MSI2: variants seen among roughly 807,000 people sequenced by gnomAD.
The protein encoded by MSI2 is musashi RNA binding protein 2.
MSI2 carries 17 observed loss-of-function variants against 45.6 expected under a neutral mutation model. The observed-to-expected ratio is 0.37, with a 90% CI of 0.26 to 0.56. The LOEUF is 0.56. MSI2 is among the 20% of genes least tolerant of loss of function. MSI2 has a pLI of 0.77. For synonymous variants in MSI2, 156 were observed against 158.2 expected, an observed-to-expected ratio of 0.99 and a Z score of 0.11; for missense variants, 293 against 444.2, an observed-to-expected ratio of 0.66 and a Z score of 3.06.
chr17:57,491,278 T>A (rs1598328361), intron 6 of MSI2, among the ~76,000 whole-genome samples: 2 of 152,300 alleles, frequency 1.3e-5, no homozygotes, highest in East Asian at 3.9e-4. Context: ...GGCAGAGGCA[T>A]TGGAGAAGAC....
chr17:57,521,130 C>T (rs575277726), intron 6 of MSI2, among the ~76,000 whole-genome samples: 7 of 152,274 alleles, frequency 4.6e-5, no homozygotes, highest in African/African-American at 1.4e-4. Context: ...AAACTCCAAG[C>T]GCACCTTCAT....
At chr17:57,431,399 A>G (rs1460099974) in intron 6 of MSI2, among the ~76,000 whole-genome samples, 1 of 152,208 alleles carries the variant, frequency 6.6e-6, no homozygotes, top group Non-Finnish European at 1.5e-5. Context: ...CGCAGGTGAA[A>G]TGAGCTGTTT....
intron 5 of MSI2, among the ~76,000 whole-genome samples, chr17:57,287,009 G>A (rs118123430): frequency 0.042 from 6,348 of 152,066 alleles, 180 homozygotes; most frequent in Non-Finnish European, 0.061. Flanking sequence ...GGCTCGCGCC[G>A]CAGAGAGTTT....
chr17:57,448,563 T>G (rs1196109135), intron 6 of MSI2: 6 of 152,196 alleles, frequency 3.9e-5, no homozygotes, highest in Non-Finnish European at 8.8e-5. Context: ...TAACAAACAT[T>G]CTATGCTGGT....
At position 57,502,691 on chromosome 17, in the gene MSI2, A is replaced by T. The variant is rs925755855; in HGVS notation, c.406-26985A>T. On this transcript the variant is annotated intron_variant, in intron 6 of 13. Transcript: ENST00000284073. ...GGGCTCTAGATTTAAGCCTTCTAGC[A>T]TCTAATGCTGGGTCACTACTGTGAT... 9.8e-5 allele frequency among the ~76,000 whole-genome samples: 14 copies of T among 143,452 alleles called. 1 individual carries two copies. Among genetic ancestry groups the T allele is most frequent in the Non-Finnish European group, 1.5e-4 (10 of 66,386 alleles). 94.1% of individuals were successfully genotyped at this position (143,452 alleles called of 152,430 possible).
At chr17:57,435,726 G>A (rs749100011) in intron 6 of MSI2, among the ~76,000 whole-genome samples, 18 of 152,212 alleles carry the variant, frequency 1.2e-4, no homozygotes, top group South Asian at 4.1e-4. Context: ...GCTGTCTCAC[G>A]TAAGTCTCCT....
chr17:57,383,038 G>A (rs1418995621), intron 5 of MSI2, among the ~76,000 whole-genome samples: 1 of 152,206 alleles, frequency 6.6e-6, no homozygotes, highest in East Asian at 1.9e-4. Flanking sequence ...GCAGGAACAG[G>A]GTGGAGGACC....
At position 57,450,258 on chromosome 17, in the gene MSI2, A is replaced by AGAAAGAAAGAAAGAAAGAAAGAAG. The variant is rs1567830553; in HGVS notation, c.405+48810_405+48811insGGAAAGAAAGAAAGAAAGAAAGAA. 56 of 2,640 alleles carry AGAAAGAAAGAAAGAAAGAAAGAAG rather than the reference A, an allele frequency of 0.021. No individual in the cohort carries two copies. The Middle Eastern group carries it at 0.25, about 12-fold the overall frequency. The allele number at this position is 2,640 out of a possible 1,614,324, so 0.2% of individuals were successfully genotyped here. On this transcript the variant is annotated intron_variant, in intron 6 of 13. Coordinates refer to ENST00000284073, the MANE Select transcript of MSI2 (RefSeq NM_138962.4). ...CTGGAAATGGTATTCCCCAGCTTAA[A>AGAAAGAAAGAAAGAAAGAAAGAAG]GAAAGAAAGAAAGAAAGAAAGAAAG...
chr17:57,621,441 A>T (rs1908282570), intron 9 of MSI2, among the ~76,000 whole-genome samples: 1 of 152,216 alleles, frequency 6.6e-6, no homozygotes, highest in African/African-American at 2.4e-5. Flanking sequence ...AAATTCATTC[A>T]TTCAACAAAT....
chr17:57,429,917 A>G (rs1032537735), intron 6 of MSI2, among the ~76,000 whole-genome samples: 2 of 152,172 alleles, frequency 1.3e-5, no homozygotes, highest in African/African-American at 4.8e-5. Flanking sequence ...TCTTGCCCCC[A>G]TCACTTCCCA....
chr17:57,302,471 G>A (rs568897215), intron 5 of MSI2, among the ~76,000 whole-genome samples: 9 of 152,058 alleles, frequency 5.9e-5, no homozygotes, highest in East Asian at 5.8e-4. Context: ...CTATTCTGTC[G>A]AACACTAAGA....
At chr17:57,404,401 C>T (rs2084047010) in intron 6 of MSI2, among the ~76,000 whole-genome samples, 2 of 152,138 alleles carry the variant, frequency 1.3e-5, no homozygotes, top group South Asian at 4.2e-4. Flanking sequence ...TGCTGGGGAC[C>T]TGGACATTCA....
chr17:57,652,280 G>C lies in MSI2; in HGVS notation c.790+119G>C. 2 of 1,071,414 alleles carry C rather than the reference G, an allele frequency of 1.9e-6. No homozygotes were observed. Among genetic ancestry groups the C allele is most frequent in the Non-Finnish European group, 1.4e-6 (1 of 726,856 alleles). The allele number at this position is 1,071,414 out of a possible 1,614,324, so 66.4% of individuals were successfully genotyped here. A position where few individuals can be genotyped will look rare whatever the true frequency, so the allele number is the denominator to read the frequency against. On this transcript the variant is annotated intron_variant, in intron 11 of 13. Coordinates refer to ENST00000284073, the MANE Select transcript of MSI2 (RefSeq NM_138962.4). The surrounding 1 kb of genome is among the most constrained non-coding windows in gnomAD (Gnocchi z 4.1). The stretch of plus-strand genomic sequence containing the variant: ...CCAACACCACTCTCACCACAGCCCC[G>C]GGGAGGGGGTGGACGGGGAGGGGGT...
chr17:57,656,021 T>C (rs1382646807), intron 11 of MSI2, among the ~76,000 whole-genome samples: 2 of 152,214 alleles, frequency 1.3e-5, no homozygotes, highest in Non-Finnish European at 2.9e-5. Flanking sequence ...CCGTAGTAGA[T>C]GTACTGGTAG....
At chr17:57,446,438 C>A (rs1452276081) in intron 6 of MSI2, among the ~76,000 whole-genome samples, 1 of 152,226 alleles carries the variant, frequency 6.6e-6, no homozygotes, top group African/African-American at 2.4e-5. Context: ...GAAGGACCTA[C>A]TGCAAGCAAA....
chr17:57,348,284 T>G (rs1030110537), intron 5 of MSI2, among the ~76,000 whole-genome samples: 1 of 152,126 alleles, frequency 6.6e-6, no homozygotes, highest in Admixed American at 6.5e-5. Flanking sequence ...GATGGATGCC[T>G]GGGTTGTCCC....
At chr17:57,465,390 C>T (rs1420420449) in intron 6 of MSI2, among the ~76,000 whole-genome samples, 1 of 152,192 alleles carries the variant, frequency 6.6e-6, no homozygotes, top group African/African-American at 2.4e-5. Flanking sequence ...AGGCAAAGGT[C>T]TTCCTGGGCC....
chr17:57,271,632 T>C (rs1243456639), intron 5 of MSI2, among the ~76,000 whole-genome samples: 1 of 152,142 alleles, frequency 6.6e-6, no homozygotes, highest in African/African-American at 2.4e-5. Flanking sequence ...ACATTTTTAT[T>C]GTTTTGAAGG....
At chr17:57,351,940 A>T (rs28610359) in intron 5 of MSI2, among the ~76,000 whole-genome samples, 2 of 152,242 alleles carry the variant, frequency 1.3e-5, no homozygotes, top group Non-Finnish European at 2.9e-5. Context: ...GAATGAATGA[A>T]TGGATAGATG....
Sources: gnomAD v4.1 joint callset for allele counts (sites outside exome capture counted in the v4.1 genomes callset) on GRCh38, gnomAD v4.1.1 for gene constraint, Gnocchi (gnomAD v3.1) non-coding constraint, MANE v1.5 for transcripts, NCBI Gene and HGNC (gene_info 2026-07-23, HGNC 2026-07-21) for gene names.